Variants in KANSL1 observed in about 807,000 individuals in gnomAD.
The protein encoded by KANSL1 is MLL1/MLL complex subunit KANSL1.
A neutral mutation model predicts 103.6 loss-of-function variants in KANSL1; 22 were observed. That is an observed-to-expected ratio of 0.21 (90% CI 0.15 to 0.30). The LOEUF (loss-of-function observed/expected upper bound fraction) is 0.30. Among genes scored for constraint, KANSL1 ranks in the 10% least tolerant of loss-of-function variants. The pLI is 1.00. For synonymous variants in KANSL1, 600 were observed against 527.6 expected (o/e 1.14, Z -1.88); for missense variants, 1,337 against 1,399.8 (o/e 0.96, Z 0.72).
intron 2 of KANSL1, among the ~76,000 whole-genome samples, chr17:46,130,723 C>A (rs139916653): frequency 6.6e-6 from 1 of 152,298 alleles, no homozygotes; most frequent in East Asian, 1.9e-4. Flanking sequence ...GTCACTGCTG[C>A]ACAGCTAAAT....
At position 46,168,112 on chromosome 17, in the gene KANSL1, C is replaced by G. The variant is rs1388231965; in HGVS notation, c.1289+2743G>C. Among the ~76,000 whole-genome samples, 3 of 152,236 alleles carry G rather than the reference C, an allele frequency of 2.0e-5. No homozygotes were observed. The East Asian group carries it at 5.8e-4, about 29-fold the overall frequency. On this transcript the variant is annotated intron_variant, in intron 2 of 14. Coordinates refer to ENST00000432791, the MANE Select transcript of KANSL1 (RefSeq NM_015443.4). ...CTGGGTCAAGTTCCTGAAGAATTAA[C>G]TAACTACATTCTAGGATTCATTTCT...
intron 10 of KANSL1, 66 bp downstream of exon 10, chr17:46,038,472 T>C: frequency 1.3e-6 from 2 of 1,569,202 alleles, no homozygotes; most frequent in Non-Finnish European, 8.7e-7. Context: ...CACTGTCCTC[T>C]GGAGCCACTT....
chr17:46,215,425 C>G (rs892771508), intron 1 of KANSL1, among the ~76,000 whole-genome samples: 1 of 152,158 alleles, frequency 6.6e-6, no homozygotes, highest in African/African-American at 2.4e-5. Context: ...TATGATCATA[C>G]GCTTGAACAT....
intron 4 of KANSL1, among the ~76,000 whole-genome samples, chr17:46,070,528 A>G (rs1248621491): frequency 6.6e-6 from 1 of 152,122 alleles, no homozygotes; most frequent in Non-Finnish European, 1.5e-5. Flanking sequence ...AGGCTAAACA[A>G]ATATGGTATG....
intron 1 of KANSL1, among the ~76,000 whole-genome samples, chr17:46,185,609 C>A (rs1420004454): frequency 2.7e-5 from 4 of 150,518 alleles, no homozygotes; most frequent in African/African-American, 9.8e-5. Context: ...AAAAAAAAAA[C>A]CCTAATTAAA....
chr17:46,168,876 C>T (rs2046139875), intron 2 of KANSL1, among the ~76,000 whole-genome samples: 1 of 152,220 alleles, frequency 6.6e-6, no homozygotes, highest in African/African-American at 2.4e-5. Context: ...ATGCTCAGAA[C>T]TAAGTAGTGA....
rs1568411192 is a variant in KANSL1, at chr17:46,067,641, T to C, written c.1560A>G (p.Glu520=). 2.5e-6 allele frequency: 4 copies of C among 1,596,130 alleles called. No homozygotes were observed. The highest frequency in any genetic ancestry group is 3.4e-6 in the Non-Finnish European group (4 of 1,163,684). ...KLIESVSQPL[E]NHGAPIIGHI... is the part of the protein sequence containing the mutation. ...GACCAATAATAGGGGCACCATGGTT[T>C]TCCAATGGCTGAGAAACAGACTCAA... Residue 520 remains glutamate (E), a synonymous_variant, in exon 5 of 15, where the codon GAA becomes GAG. Coordinates refer to ENST00000432791, the MANE Select transcript of KANSL1 (RefSeq NM_015443.4).
At chr17:46,132,660 C>T (rs1320889204) in intron 2 of KANSL1, among the ~76,000 whole-genome samples, 2 of 152,162 alleles carry the variant, frequency 1.3e-5, no homozygotes, top group Non-Finnish European at 2.9e-5. Flanking sequence ...GTATAAAGAA[C>T]ATGGAGGCCA....
intron 2 of KANSL1, among the ~76,000 whole-genome samples, chr17:46,101,754 CAAAAAA>C (rs372439614): frequency 3.4e-4 from 32 of 93,656 alleles, no homozygotes; most frequent in South Asian, 6.8e-4. Flanking sequence ...ACTCTGTCTA[CAAAAAA>C]AAAAAAAAAA....
chr17:46,120,882 T>C (rs1436476900), intron 2 of KANSL1, among the ~76,000 whole-genome samples: 1 of 152,198 alleles, frequency 6.6e-6, no homozygotes, highest in Non-Finnish European at 1.5e-5. Context: ...GAGAGAATGT[T>C]TCAGCATCTC....
At chr17:46,166,169 T>A (rs1198177564) in intron 2 of KANSL1, among the ~76,000 whole-genome samples, 4 of 139,962 alleles carry the variant, frequency 2.9e-5, no homozygotes, top group Non-Finnish European at 4.8e-5. Context: ...GCCGAGATCA[T>A]GCCACTGTAA....
intron 2 of KANSL1, chr17:46,170,603 CTAGT>C (rs1417710040): frequency 6.0e-6 from 3 of 496,172 alleles, no homozygotes; most frequent in Middle Eastern, 5.2e-4. Flanking sequence ...AAGATGTCTC[CTAGT>C]TATTTTTCTT....
At chr17:46,096,136 A>ATTCTTTTTT (rs776509440) in intron 2 of KANSL1, among the ~76,000 whole-genome samples, 40 of 137,426 alleles carry the variant, frequency 2.9e-4, no homozygotes, top group Non-Finnish European at 4.9e-4. Flanking sequence ...ATGATACTGT[A>ATTCTTTTTT]TTTTTTTTTT....
intron 1 of KANSL1, chr17:46,192,389 A>C (rs184705812): frequency 3.3e-5 from 5 of 152,490 alleles, no homozygotes; most frequent in African/African-American, 1.2e-4. Flanking sequence ...CAAAAATAAT[A>C]AATGAAACAA....
chr17:46,137,126 T>G (rs1213460063), intron 2 of KANSL1, among the ~76,000 whole-genome samples: 3 of 152,194 alleles, frequency 2.0e-5, no homozygotes, highest in Non-Finnish European at 2.9e-5. Context: ...CCAAAATTGT[T>G]TATCTCTTCC....
chr17:46,148,900 A>T (rs1460136872), intron 2 of KANSL1, among the ~76,000 whole-genome samples: 3 of 53,320 alleles, frequency 5.6e-5, no homozygotes, highest in African/African-American at 1.6e-4. Flanking sequence ...GCTTACACTT[A>T]AAAAAAAAAA....
intron 2 of KANSL1, among the ~76,000 whole-genome samples, chr17:46,107,664 G>A (rs115509568): frequency 6.0e-4 from 92 of 152,100 alleles, no homozygotes; most frequent in African/African-American, 2.0e-3. Flanking sequence ...TTCCTACCTC[G>A]AGCTGAAATC....
At chr17:46,176,691 T>TAAAA (rs56676109) in intron 1 of KANSL1, among the ~76,000 whole-genome samples, 210 of 141,668 alleles carry the variant, frequency 1.5e-3, no homozygotes, top group Middle Eastern at 3.6e-3. Flanking sequence ...GACTCCATCT[T>TAAAA]AAAAAAAAAA....
At chr17:46,038,965 C>G (rs1272135788) in intron 9 of KANSL1, 62 bp downstream of exon 9, 1 of 1,565,604 alleles carries the variant, frequency 6.4e-7, no homozygotes, top group Non-Finnish European at 8.6e-7. Context: ...GAAGCCTAGG[C>G]TGCCCCAGAA....
Sources: gnomAD v4.1 joint callset for allele counts (sites outside exome capture counted in the v4.1 genomes callset) on GRCh38, gnomAD v4.1.1 for gene constraint, MANE v1.5 for transcripts, NCBI Gene and HGNC (gene_info 2026-07-23, HGNC 2026-07-21) for gene names.